The following TSHZ2 variants were observed in gnomAD, a reference collection of about 807,000 sequenced individuals.
TSHZ2 encodes the protein teashirt homolog 2.
Under a neutral mutation model 74.4 loss-of-function variants are expected in TSHZ2, and 21 were observed. That is an observed-to-expected ratio of 0.28 (90% CI 0.20 to 0.41). TSHZ2 has a LOEUF of 0.41. Among genes scored for constraint, TSHZ2 ranks in the 10% least tolerant of loss-of-function variants. The pLI is 1.00. For missense variants in TSHZ2, 1,244 were observed against 1,293.5 expected, an observed-to-expected ratio of 0.96 and a Z score of 0.59; for synonymous variants, 540 against 515.3, an observed-to-expected ratio of 1.05 and a Z score of -0.65.
intron 2 of TSHZ2, among the ~76,000 whole-genome samples, chr20:53,388,079 G>A (rs765395731): frequency 1.3e-5 from 2 of 151,474 alleles, no homozygotes; most frequent in Non-Finnish European, 2.9e-5. Context: ...ATAACTAAGT[G>A]TATGGTCAGA....
intron 2 of TSHZ2, among the ~76,000 whole-genome samples, chr20:53,480,749 GAAC>G (rs1278694324): frequency 6.6e-6 from 1 of 152,230 alleles, no homozygotes; most frequent in East Asian, 1.9e-4. Context: ...TGTCGCATAA[GAAC>G]AACAGCAGAG....
chr20:53,017,722 C>T (rs1983092955), intron 1 of TSHZ2, among the ~76,000 whole-genome samples: 1 of 152,172 alleles, frequency 6.6e-6, no homozygotes, highest in Admixed American at 6.5e-5. Flanking sequence ...AATACTTTGA[C>T]ATCACCCGCT....
chr20:53,123,587 C>A (rs1986872226), intron 1 of TSHZ2, among the ~76,000 whole-genome samples: 1 of 151,322 alleles, frequency 6.6e-6, no homozygotes, highest in Admixed American at 6.6e-5. Flanking sequence ...TTCAGGTAAG[C>A]ATTTTTCAAG....
chr20:53,484,451 T>G (rs1284483097), intron 2 of TSHZ2, among the ~76,000 whole-genome samples: 1 of 151,202 alleles, frequency 6.6e-6, no homozygotes, highest in African/African-American at 2.4e-5. Flanking sequence ...AGTGGTGCGA[T>G]CTTGGCTCAC....
intron 2 of TSHZ2, among the ~76,000 whole-genome samples, chr20:53,405,145 A>G (rs13339919): frequency 0.12 from 17,521 of 147,158 alleles, 2,608 homozygotes; most frequent in African/African-American, 0.34. Flanking sequence ...GCTACTCAGG[A>G]GGCTGGGGCA....
chr20:53,298,151 T>G (rs570073610), intron 2 of TSHZ2, among the ~76,000 whole-genome samples: 1 of 152,282 alleles, frequency 6.6e-6, no homozygotes, highest in Non-Finnish European at 1.5e-5. Flanking sequence ...AAAACACTCA[T>G]GCATTCATTT....
chr20:53,153,507 G>A lies in TSHZ2; in HGVS notation c.41-99992G>A, dbSNP rs76339084. ...TAAACAAAAAGGAAATTCCTTGCAG[G>A]GTTACCAGTAACTCACAGAATGGAT... On this transcript the variant is annotated intron_variant, in intron 1 of 2. Transcript: ENST00000371497. Among the ~76,000 whole-genome samples the A allele has an allele frequency of 6.5e-3, 994 of 152,170 alleles. 10 individuals are homozygous for A. Among genetic ancestry groups the A allele is most frequent in the African/African-American group, 0.022 (922 of 41,512 alleles).
At chr20:53,233,734 G>A (rs1167319991) in intron 1 of TSHZ2, among the ~76,000 whole-genome samples, 4 of 152,082 alleles carry the variant, frequency 2.6e-5, no homozygotes, top group African/African-American at 9.7e-5. Context: ...GGGAGAAGGA[G>A]GAAGAACTTG....
At position 53,493,200 on chromosome 20, in the gene TSHZ2, G is replaced by T. The variant is rs1210134972; in HGVS notation, c.*6065G>T. The T allele has an allele frequency of 6.6e-6, 1 of 152,192 alleles. No homozygotes were observed. The highest frequency in any genetic ancestry group is 1.5e-5 in the Non-Finnish European group (1 of 68,030). 9.4% of individuals were successfully genotyped at this position (152,192 alleles called of 1,614,324 possible). A position where few individuals can be genotyped will look rare whatever the true frequency, so the allele number is the denominator to read the frequency against. On this transcript the variant is annotated 3_prime_UTR_variant, in exon 3 of 3. Coordinates refer to ENST00000371497, the MANE Select transcript of TSHZ2 (RefSeq NM_173485.6). ...TCCTACCAAACTGGCCCACAATGGG[G>T]ATTCTTTTGTATAGAAAAAATATGC...
rs763569165 is a variant in TSHZ2 at position 53,255,599 on chromosome 20, G to C, written c.2141G>C (p.Arg714Pro). ...NHLGKATEPL[R>P]SPSCSSPSSS... ...TTGGGCAAAGCCACGGAGCCCTTGC[G>C]CTCACCTTCCTGCTCCAGCCCAAGT... The change falls in exon 2 of 3, where the codon CGC becomes CCC. Residue 714 changes from arginine (R) to proline (P), a missense_variant. Coordinates refer to ENST00000371497, the MANE Select transcript of TSHZ2 (RefSeq NM_173485.6). The surrounding 1 kb of genome is among the most constrained non-coding windows in gnomAD (Gnocchi z 4.1). The C allele has an allele frequency of 4.4e-6, 7 of 1,584,068 alleles. No individual in the cohort carries two copies. In the South Asian group the frequency reaches 7.0e-5, roughly 16 times the overall value.
At chr20:53,231,743 G>C (rs1416576849) in intron 1 of TSHZ2, among the ~76,000 whole-genome samples, 2 of 152,090 alleles carry the variant, frequency 1.3e-5, no homozygotes, top group Admixed American at 6.5e-5. Flanking sequence ...ACCTCTACGG[G>C]AACACACACT....
At chr20:53,348,547 A>G (rs542473279) in intron 2 of TSHZ2, among the ~76,000 whole-genome samples, 43 of 86,000 alleles carry the variant, frequency 5.0e-4, no homozygotes, top group African/African-American at 2.3e-3. Context: ...AAGAAAAAAA[A>G]TAGACCCCCC....
intron 2 of TSHZ2, among the ~76,000 whole-genome samples, chr20:53,370,038 G>A (rs952561332): frequency 1.3e-5 from 2 of 152,098 alleles, no homozygotes; most frequent in Non-Finnish European, 1.5e-5. Context: ...GAGACGTCTG[G>A]TGGCATTCTG....
intron 1 of TSHZ2, among the ~76,000 whole-genome samples, chr20:53,164,919 TC>T (rs1275894748): frequency 6.6e-6 from 1 of 152,206 alleles, no homozygotes; most frequent in Admixed American, 6.5e-5. Context: ...GGACCTAATA[TC>T]ATTGATGTTT....
chr20:53,288,994 A>T (rs1202134711), intron 2 of TSHZ2, among the ~76,000 whole-genome samples: 1 of 152,102 alleles, frequency 6.6e-6, no homozygotes, highest in African/African-American at 2.4e-5. Flanking sequence ...GAGTCCCCAA[A>T]GTCCATTATA....
chr20:53,239,120 T>C (rs1163554829), intron 1 of TSHZ2, among the ~76,000 whole-genome samples: 1 of 152,180 alleles, frequency 6.6e-6, no homozygotes, highest in Non-Finnish European at 1.5e-5. Context: ...TTGTAGGATG[T>C]TTAGCAGCAT....
intron 2 of TSHZ2, among the ~76,000 whole-genome samples, chr20:53,416,880 C>G (rs145104697): frequency 1.2e-3 from 177 of 152,326 alleles, no homozygotes; most frequent in African/African-American, 4.0e-3. Context: ...ATTCATTCTC[C>G]CATTTGGTTC....
At chr20:53,462,872 C>T (rs1224165002) in intron 2 of TSHZ2, among the ~76,000 whole-genome samples, 1 of 152,120 alleles carries the variant, frequency 6.6e-6, no homozygotes, top group African/African-American at 2.4e-5. Flanking sequence ...CCAGGTTCCA[C>T]CTCTAATAAC....
intron 2 of TSHZ2, among the ~76,000 whole-genome samples, chr20:53,282,287 T>C (rs1991076371): frequency 6.6e-6 from 1 of 152,208 alleles, no homozygotes; most frequent in African/African-American, 2.4e-5. Flanking sequence ...AAATAATTAA[T>C]TTACATAGCA....
Sources: gnomAD v4.1 joint callset for allele counts (sites outside exome capture counted in the v4.1 genomes callset) on GRCh38, gnomAD v4.1.1 for gene constraint, Gnocchi (gnomAD v3.1) non-coding constraint, MANE v1.5 for transcripts, NCBI Gene and HGNC (gene_info 2026-07-23, HGNC 2026-07-21) for gene names.